Variants in ARSG observed in about 807,000 individuals in gnomAD.
ARSG encodes the protein ASG.
Under a neutral mutation model 50.5 loss-of-function variants are expected in ARSG, and 37 were observed. That is an observed-to-expected ratio of 0.73 (90% CI 0.56 to 0.96). The LOEUF (loss-of-function observed/expected upper bound fraction) is 0.96. ARSG is among the 50% of genes least tolerant of loss of function. The pLI is 0.00. For missense variants in ARSG, 629 were observed against 675.3 expected, an observed-to-expected ratio of 0.93 and a Z score of 0.76; for synonymous variants, 225 against 254.6, an observed-to-expected ratio of 0.88 and a Z score of 1.11.
intron 1 of ARSG, chr17:68,272,714 A>T (rs2075381740): frequency 6.2e-7 from 1 of 1,614,096 alleles, no homozygotes; most frequent in Non-Finnish European, 8.5e-7. Context: ...CTTTTGCCAA[A>T]ATATTGTGAT....
At chr17:68,432,728 A>G in the ARSG span, among the ~76,000 whole-genome samples, 2 of 152,154 alleles carry the variant, frequency 1.3e-5, no homozygotes, top group African/African-American at 4.8e-5. Context: ...CAGATACAGT[A>G]GGCTTTCTGT....
intron 1 of ARSG, among the ~76,000 whole-genome samples, chr17:68,272,256 T>A (rs1387763723): frequency 8.7e-6 from 1 of 114,318 alleles, no homozygotes; most frequent in Non-Finnish European, 2.0e-5. Context: ...TGTTTTGAGA[T>A]GATCTACACA....
Position 68,306,506 on chromosome 17 carries a change from C to T in ARSG, c.-551-437C>T, listed in dbSNP as rs79307244. 3.2e-3 allele frequency among the ~76,000 whole-genome samples: 488 copies of T among 152,286 alleles called. 1 individual carries two copies. The highest frequency in any genetic ancestry group is 0.011 in the African/African-American group (471 of 41,568). Reference sequence around the variant, plus strand: ...AGGAGTTCAAGACTGGCCTAGGCAACGTAGCAGGACCCTATCTCCAAAAAT... The same window carrying T: ...AGGAGTTCAAGACTGGCCTAGGCAATGTAGCAGGACCCTATCTCCAAAAAT... On this transcript the variant is annotated intron_variant, in intron 1 of 11. Transcript: ENST00000621439.
At chr17:68,315,669 A>G (rs531995366) in intron 2 of ARSG, among the ~76,000 whole-genome samples, 93 of 152,174 alleles carry the variant, frequency 6.1e-4, no homozygotes, top group African/African-American at 2.1e-3. Context: ...GTCTTGCTCT[A>G]TCGCCTAGGC....
chr17:68,293,381 A>T (rs2076088977), intron 1 of ARSG, among the ~76,000 whole-genome samples: 1 of 152,082 alleles, frequency 6.6e-6, no homozygotes, highest in South Asian at 2.1e-4. Context: ...CAGTCTCTTG[A>T]TTTAAAAAAT....
intron 11 of ARSG, among the ~76,000 whole-genome samples, chr17:68,408,833 G>C (rs2081868038): frequency 6.6e-6 from 1 of 151,862 alleles, no homozygotes; most frequent in African/African-American, 2.4e-5. Context: ...GGTGTGAGAT[G>C]GTATCTCACT....
chr17:68,286,350 G>C (rs573654706), intron 1 of ARSG, among the ~76,000 whole-genome samples: 3 of 152,156 alleles, frequency 2.0e-5, no homozygotes, highest in South Asian at 4.1e-4. Context: ...GAAAATTGAG[G>C]TTATCTTTTT....
intron 7 of ARSG, among the ~76,000 whole-genome samples, chr17:68,369,482 G>A (rs1488563891): frequency 6.6e-6 from 1 of 152,064 alleles, no homozygotes; most frequent in Non-Finnish European, 1.5e-5. Flanking sequence ...GGAGGTTGCA[G>A]TGAGCTGAGA....
intron 2 of ARSG, among the ~76,000 whole-genome samples, chr17:68,334,624 G>A (rs1162584340): frequency 6.6e-6 from 1 of 152,092 alleles, no homozygotes. Flanking sequence ...GTTGACTAAG[G>A]TCGCCTCGTG....
Position 68,271,367 on chromosome 17 carries a change from T to C in ARSG, c.-552+11941T>C, listed in dbSNP as rs138318896. ...CTGGTCTTCACCAGGACCTGCTGCA[T>C]GTCGGCCTTCGGCTCCAGTTCCAGG... is the stretch of plus-strand genomic sequence containing the variant. On this transcript the variant is annotated intron_variant, in intron 1 of 11. Coordinates refer to the ARSG transcript ENST00000448504. The surrounding 1 kb of genome is among the most constrained non-coding windows in gnomAD (Gnocchi z 5.3). 2 of 1,614,078 alleles carry C rather than the reference T, an allele frequency of 1.2e-6. No individual in the cohort carries two copies. Among genetic ancestry groups the C allele is most frequent in the Non-Finnish European group, 1.7e-6 (2 of 1,179,860 alleles).
chr17:68,343,985 A>G (rs2078392155), intron 3 of ARSG, among the ~76,000 whole-genome samples, 194 bp downstream of exon 3: 1 of 152,226 alleles, frequency 6.6e-6, no homozygotes, highest in South Asian at 2.1e-4. Context: ...TCCTCCCATT[A>G]TAGCAAGTTT....
At chr17:68,425,789 A>G (rs1405058826), downstream of ARSG, 1 of 345,990 alleles carries the variant, frequency 2.9e-6, no homozygotes, top group African/African-American at 2.1e-5. Context: ...ACAGAAGCAA[A>G]GTAAGGGATC....
chr17:68,299,472 C>T (rs1232158478), intron 1 of ARSG, among the ~76,000 whole-genome samples: 2 of 151,812 alleles, frequency 1.3e-5, no homozygotes, highest in African/African-American at 2.4e-5. Flanking sequence ...AGATATGATG[C>T]ATAAGGTGGG....
At chr17:68,270,202 G>A (rs1393326909) in intron 1 of ARSG, among the ~76,000 whole-genome samples, 2 of 152,108 alleles carry the variant, frequency 1.3e-5, no homozygotes, top group African/African-American at 4.8e-5. Flanking sequence ...AGTCAGGTGG[G>A]CTCTGAAGGT....
the ARSG span, among the ~76,000 whole-genome samples, chr17:68,431,806 T>G: frequency 1.0e-4 from 1 of 9,958 alleles, no homozygotes; most frequent in Non-Finnish European, 2.1e-4. Flanking sequence ...TTGGAGGTTC[T>G]GCTCCTGGTC....
the ARSG span, among the ~76,000 whole-genome samples, chr17:68,443,902 A>G: frequency 6.6e-6 from 1 of 152,206 alleles, no homozygotes; most frequent in African/African-American, 2.4e-5. Flanking sequence ...GAATTCATAT[A>G]ATGTCATCTG....
At chr17:68,382,046 G>T (rs2080460913) in intron 8 of ARSG, among the ~76,000 whole-genome samples, 1 of 151,634 alleles carries the variant, frequency 6.6e-6, no homozygotes, top group African/African-American at 2.4e-5. Flanking sequence ...CGCCTCCCGG[G>T]TTCAAGTGAT....
rs2146906223 is a variant in ARSG at position 68,378,346 on chromosome 17, C to T, written c.983-6718C>T. Among the ~76,000 whole-genome samples, 1 of 152,358 alleles carries T rather than the reference C, an allele frequency of 6.6e-6. No homozygotes were observed. The highest frequency in any genetic ancestry group is 1.5e-5 in the Non-Finnish European group (1 of 68,034). ...TGCGTCAGGCCACGTGCTGTCTTCC[C>T]CTGTTCTCAGGGCCCCCAGGCCCCC... On this transcript the variant is annotated intron_variant, in intron 8 of 11. Coordinates refer to ENST00000621439, the MANE Select transcript of ARSG (RefSeq NM_001267727.2). This position sits in a 1 kb window ranked among gnomAD's most constrained non-coding sequence, Gnocchi z 4.4.
chr17:68,428,859 C>A, the ARSG span: 3 of 1,614,114 alleles, frequency 1.9e-6, no homozygotes, highest in South Asian at 2.2e-5. Flanking sequence ...ACACTCTCCT[C>A]CATCCTGAGG....
Sources: allele counts gnomAD v4.1 joint callset (sites outside exome capture counted in the v4.1 genomes callset), GRCh38; gene constraint gnomAD v4.1.1; non-coding constraint Gnocchi (gnomAD v3.1); transcripts MANE v1.5; gene names NCBI Gene and HGNC (gene_info 2026-07-23, HGNC 2026-07-21).